The following NEK10 variants were observed in gnomAD, a reference collection of about 807,000 sequenced individuals.
NEK10 encodes the protein serine/threonine-protein kinase Nek10.
A neutral mutation model predicts 159.8 loss-of-function variants in NEK10; 122 were observed. The observed-to-expected ratio is 0.76, with a 90% CI of 0.66 to 0.89. NEK10 has a LOEUF of 0.89. NEK10 is among the 40% of genes least tolerant of loss of function. The pLI, the probability that NEK10 is intolerant of heterozygous loss-of-function variation, is 0.00. For missense variants in NEK10, 1,342 were observed against 1,323.1 expected, an observed-to-expected ratio of 1.01 and a Z score of -0.22; for synonymous variants, 466 against 457.1, an observed-to-expected ratio of 1.02 and a Z score of -0.25.
In NEK10 at chr3:27,364,488, G is replaced by A. The variant is rs530188653; in HGVS notation, c.-38+4737C>T. ...GCTGATCCACCCGCCTTGGCCTCCC[G>A]AAGTGCTGGGATTACAGGCGTGAGC... On this transcript the variant is annotated intron_variant, in intron 1 of 35. Coordinates refer to ENST00000691995, the MANE Select transcript of NEK10 (RefSeq NM_001394966.1). Among the ~76,000 whole-genome samples the A allele has an allele frequency of 3.3e-5, 5 of 151,944 alleles. No homozygotes were observed. The East Asian group carries it at 7.7e-4, about 24-fold the overall frequency.
intron 22 of NEK10, 87 bp downstream of exon 22, chr3:27,284,515 G>C (rs2042431230): frequency 2.6e-6 from 2 of 755,188 alleles, no homozygotes; most frequent in South Asian, 3.2e-5. Context: ...ACATTCCCAT[G>C]AGTGCCAAAA....
intron 5 of NEK10, among the ~76,000 whole-genome samples, chr3:27,327,664 G>T (rs2046103365): frequency 6.6e-6 from 1 of 152,180 alleles, no homozygotes; most frequent in African/African-American, 2.4e-5. Context: ...ATGAAGCAGG[G>T]TTAACTGAAC....
At chr3:27,165,316 A>G (rs1203608277) in intron 29 of NEK10, among the ~76,000 whole-genome samples, 1 of 152,234 alleles carries the variant, frequency 6.6e-6, no homozygotes, top group African/African-American at 2.4e-5. Flanking sequence ...GACAGCTTTT[A>G]ACTATGCAAT....
rs1321849889 is a variant in NEK10 at position 27,111,250 on chromosome 3, G to C, written c.*22C>G. 6.2e-7 allele frequency: 1 copy of C among 1,605,476 alleles called. No homozygotes were observed. Among genetic ancestry groups the C allele is most frequent in the East Asian group, 2.2e-5 (1 of 44,476 alleles). ...ACTTGAACTTCACTGAGAAAATCAA[G>C]TCCACTCAAAATGCAGCATTTTCAT... On this transcript the variant is annotated 3_prime_UTR_variant, in exon 36 of 36. Coordinates refer to ENST00000691995, the MANE Select transcript of NEK10 (RefSeq NM_001394966.1).
intron 34 of NEK10, 26 bp from the exon 35 acceptor site, chr3:27,116,021 A>C: frequency 2.5e-6 from 4 of 1,612,618 alleles, no homozygotes; most frequent in Non-Finnish European, 3.4e-6. Context: ...TCAGGTTAGT[A>C]TTGAATTAGA....
intron 32 of NEK10, among the ~76,000 whole-genome samples, chr3:27,122,284 G>A (rs1941429652): frequency 6.6e-6 from 1 of 152,106 alleles, no homozygotes; most frequent in Admixed American, 6.6e-5. Flanking sequence ...CTTCCACCAT[G>A]ATTGTAAGTT....
At chr3:27,339,797 C>CAAAAAAAAAAAAAAAAAAAAAA (rs2047074092) in intron 5 of NEK10, among the ~76,000 whole-genome samples, 1 of 146,674 alleles carries the variant, frequency 6.8e-6, no homozygotes. Context: ...AAAAAAAAAA[C>CAAAAAAAAAAAAAAAAAAAAAA]CCACAATGAG....
intron 22 of NEK10, chr3:27,278,905 A>C: frequency 5.1e-6 from 5 of 984,780 alleles, no homozygotes; most frequent in Non-Finnish European, 6.0e-6. Flanking sequence ...GTCTCACCCC[A>C]TGTACCACTG....
At chr3:27,295,509 G>C in intron 15 of NEK10, 104 bp downstream of exon 15, 1 of 1,389,564 alleles carries the variant, frequency 7.2e-7, no homozygotes, top group Non-Finnish European at 9.5e-7. Flanking sequence ...GTCAGTACAG[G>C]GACCAGTACT....
Position 27,111,302 on chromosome 3 carries a change from C to T in NEK10, c.3318G>A (p.Trp1106Ter), listed in dbSNP as rs780017659. ...TTTTGGTTGGGTGATTCTTGGTCCC[C>T]CATGGATAGGAATGATACCTATAAG... ...FTSNRYHSYP[W>*]GTKNHPTKR Residue 1106 changes from tryptophan (W) to a stop codon, truncating the protein, a stop_gained, in exon 36 of 36, where the codon TGG (tryptophan) becomes TGA (stop). Transcript: ENST00000691995. LOFTEE classifies it high-confidence loss of function. 48 of 1,607,276 alleles carry T rather than the reference C, an allele frequency of 3.0e-5. No individual in the cohort carries two copies. The highest frequency in any genetic ancestry group is 6.8e-5 in the Admixed American group (4 of 59,222).
chr3:27,120,589 C>G (rs557827353), intron 32 of NEK10, among the ~76,000 whole-genome samples: 1 of 151,944 alleles, frequency 6.6e-6, no homozygotes, highest in African/African-American at 2.4e-5. Context: ...CTTGGCCTTC[C>G]GAAGTGCTGG....
chr3:27,252,263 A>T (rs778462646), intron 23 of NEK10: 1 of 492,030 alleles, frequency 2.0e-6, no homozygotes, highest in Non-Finnish European at 4.1e-6. Context: ...GGAGGTTGCT[A>T]TTTGGGGCAA....
At chr3:27,187,986 C>G (rs573506469) in intron 26 of NEK10, among the ~76,000 whole-genome samples, 40 of 152,224 alleles carry the variant, frequency 2.6e-4, no homozygotes, top group African/African-American at 9.4e-4. Flanking sequence ...ATTTTTGGTC[C>G]TGGGGCTGTC....
chr3:27,206,687 C>T (rs994925780), intron 23 of NEK10: 6 of 951,956 alleles, frequency 6.3e-6, no homozygotes, highest in Middle Eastern at 5.4e-4. Flanking sequence ...GAGATGAAGG[C>T]TCTGTTACAA....
intron 12 of NEK10, among the ~76,000 whole-genome samples, chr3:27,303,384 G>T (rs971018312): frequency 3.3e-5 from 5 of 152,026 alleles, no homozygotes; most frequent in African/African-American, 1.2e-4. Flanking sequence ...TGTTCTCCAA[G>T]AGGGCAACCC....
At chr3:27,344,103 C>T (rs1202864059) in intron 5 of NEK10, among the ~76,000 whole-genome samples, 169 bp downstream of exon 5, 1 of 152,144 alleles carries the variant, frequency 6.6e-6, no homozygotes, top group African/African-American at 2.4e-5. Context: ...AAATTCAGTA[C>T]CTAATCAGTG....
At chr3:27,172,081 G>T (rs1235644318) in intron 28 of NEK10, among the ~76,000 whole-genome samples, 1 of 152,006 alleles carries the variant, frequency 6.6e-6, no homozygotes, top group Non-Finnish European at 1.5e-5. Context: ...GCTCACACCT[G>T]TAATCCCAGC....
At chr3:27,302,944 G>T (rs2043947967) in intron 12 of NEK10, among the ~76,000 whole-genome samples, 1 of 152,138 alleles carries the variant, frequency 6.6e-6, no homozygotes, top group Admixed American at 6.5e-5. Context: ...GATGGCAGGT[G>T]AACAGGCATG....
At chr3:27,203,800 T>A (rs1260002085) in intron 23 of NEK10, among the ~76,000 whole-genome samples, 1 of 152,152 alleles carries the variant, frequency 6.6e-6, no homozygotes, top group Non-Finnish European at 1.5e-5. Context: ...GAAGAAGAAT[T>A]CCTAGTTTAA....
Sources: allele counts gnomAD v4.1 joint callset (sites outside exome capture counted in the v4.1 genomes callset), GRCh38; gene constraint gnomAD v4.1.1; transcripts MANE v1.5; gene names NCBI Gene and HGNC (gene_info 2026-07-23, HGNC 2026-07-21).